TNFRSF11A: variants seen among roughly 807,000 people sequenced by gnomAD.
TNFRSF11A encodes TNF receptor superfamily member 11a.
Under a neutral mutation model 55.7 loss-of-function variants are expected in TNFRSF11A, and 32 were observed. The ratio of observed to expected loss-of-function variants is 0.57; its 90% CI spans 0.43 to 0.77. The LOEUF is 0.77. Ranked by LOEUF, TNFRSF11A falls within the 30% of genes least tolerant of loss-of-function variation. The pLI, the probability that TNFRSF11A is intolerant of heterozygous loss-of-function variation, is 0.00. For synonymous variants in TNFRSF11A, 311 were observed against 331.0 expected (o/e 0.94, Z 0.65); for missense variants, 753 against 809.8 (o/e 0.93, Z 0.85).
Position 62,354,378 on chromosome 18 carries a change from T to G in TNFRSF11A, c.284-13T>G. 6.4e-7 allele frequency: 1 copy of G among 1,566,308 alleles called. No homozygotes were observed. The highest frequency in any genetic ancestry group is 1.1e-5 in the South Asian group (1 of 87,196). On this transcript the variant is annotated splice_polypyrimidine_tract_variant and intron_variant, in intron 3 of 9. Coordinates refer to ENST00000586569, the MANE Select transcript of TNFRSF11A (RefSeq NM_003839.4). ...CCCTCCCTGGCCACTGACCTGTCTCTTGTCTCCCGCAGGCAAGGCCCTGGT... is the reference window on the plus strand; with the variant it reads ...CCCTCCCTGGCCACTGACCTGTCTCGTGTCTCCCGCAGGCAAGGCCCTGGT...
rs1378272940 is a variant in TNFRSF11A at position 62,369,135 on chromosome 18, G to A, written c.1218G>A (p.Glu406=). ...GTTCAGAAAGCTGCAACTGCACTGAGCCCCTGTGCAGGACTGATTGGACTC... is the reference window on the plus strand; with the variant it reads ...GTTCAGAAAGCTGCAACTGCACTGAACCCCTGTGCAGGACTGATTGGACTC... ...TVGSESCNCT[E]PLCRTDWTPM... is the part of the protein sequence containing the mutation. The change falls in exon 9 of 10, where the codon GAG becomes GAA. Residue 406 remains glutamate (E), a synonymous_variant. Transcript: ENST00000586569. 2.5e-6 allele frequency: 4 copies of A among 1,614,074 alleles called. No individual in the cohort carries two copies. Among genetic ancestry groups the A allele is most frequent in the Non-Finnish European group, 3.4e-6 (4 of 1,180,032 alleles).
intron 9 of TNFRSF11A, among the ~76,000 whole-genome samples, chr18:62,376,546 C>G (rs1399372204): frequency 6.6e-6 from 1 of 152,176 alleles, no homozygotes; most frequent in Non-Finnish European, 1.5e-5. Context: ...CTGCCCCCCA[C>G]ACATGCACAG....
Position 62,368,916 on chromosome 18 carries a change from C to T in TNFRSF11A, c.999C>T (p.Thr333=), listed in dbSNP as rs138204772. The part of the protein sequence containing the change: ...DARMLSLVSK[T]EIEEDSFRQM... Reference sequence around the variant, plus strand: ...GGATGCTCTCATTGGTCAGCAAGACCGAGATAGAGGAAGACAGCTTCAGAC... The same window carrying T: ...GGATGCTCTCATTGGTCAGCAAGACTGAGATAGAGGAAGACAGCTTCAGAC... The change falls in exon 9 of 10, where the codon ACC becomes ACT. Residue 333 remains threonine, a synonymous_variant. Transcript: ENST00000586569. 556 of 1,614,090 alleles carry T rather than the reference C, an allele frequency of 3.4e-4. No homozygotes were observed. Among genetic ancestry groups the T allele is most frequent in the Non-Finnish European group, 4.2e-4 (500 of 1,180,050 alleles).
chr18:62,367,873 A>G (rs1446494530), intron 8 of TNFRSF11A, among the ~76,000 whole-genome samples: 1 of 136,540 alleles, frequency 7.3e-6, no homozygotes, highest in Non-Finnish European at 1.5e-5. Context: ...GGCTCACTGC[A>G]ACCTCTGCCT....
In TNFRSF11A at chr18:62,354,428, G is replaced by T; in HGVS notation, c.321G>T (p.Thr107=). Residue 107 remains threonine (T), a synonymous_variant, in exon 4 of 10, where the codon ACG becomes ACT. Coordinates refer to ENST00000586569, the MANE Select transcript of TNFRSF11A (RefSeq NM_003839.4). ...TGGCCGTGGTCGCCGGCAACAGCAC[G>T]ACCCCCCGGCGCTGCGCGTGCACGG... The part of the protein sequence containing the change: ...ALVAVVAGNS[T]TPRRCACTAG... The T allele has an allele frequency of 6.3e-7, 1 of 1,595,282 alleles. No individual in the cohort carries two copies. Among genetic ancestry groups the T allele is most frequent in the Non-Finnish European group, 8.5e-7 (1 of 1,176,524 alleles).
intron 1 of TNFRSF11A, among the ~76,000 whole-genome samples, chr18:62,345,572 C>T (rs530451229): frequency 5.3e-4 from 80 of 152,266 alleles, no homozygotes; most frequent in African/African-American, 1.9e-3. Context: ...GATCTGTAAT[C>T]CTATAACTCT....
chr18:62,384,524 CG>C (rs1325276095), intron 9 of TNFRSF11A, among the ~76,000 whole-genome samples: 1 of 150,392 alleles, frequency 6.6e-6, no homozygotes, highest in East Asian at 2.0e-4. Flanking sequence ...TTCCTCTCCC[CG>C]CCTCTTCTCT....
chr18:62,327,003 AGG>A (rs1304958519), intron 1 of TNFRSF11A, among the ~76,000 whole-genome samples: 1 of 151,682 alleles, frequency 6.6e-6, no homozygotes, highest in Non-Finnish European at 1.5e-5. Context: ...TAGCATCCAT[AGG>A]GGCTTCTGCA....
At chr18:62,362,566 C>T (rs1909776348) in intron 7 of TNFRSF11A, among the ~76,000 whole-genome samples, 1 of 147,312 alleles carries the variant, frequency 6.8e-6, no homozygotes, top group Admixed American at 6.8e-5. Flanking sequence ...GGTGCTTATT[C>T]TTAGAATAGA....
At chr18:62,363,512 G>T (rs1202784540) in intron 7 of TNFRSF11A, among the ~76,000 whole-genome samples, 1 of 151,906 alleles carries the variant, frequency 6.6e-6, no homozygotes, top group Non-Finnish European at 1.5e-5. Flanking sequence ...GGGATTACGG[G>T]CATTTGCCAC....
At chr18:62,384,547 G>C (rs1600432551) in intron 9 of TNFRSF11A, among the ~76,000 whole-genome samples, 3 of 128,736 alleles carry the variant, frequency 2.3e-5, no homozygotes, top group African/African-American at 8.8e-5. Flanking sequence ...TACTTCTTTT[G>C]TCTTTTTTCT....
At chr18:62,328,049 C>T (rs191269870) in intron 1 of TNFRSF11A, among the ~76,000 whole-genome samples, 4 of 152,304 alleles carry the variant, frequency 2.6e-5, no homozygotes, top group South Asian at 2.1e-4. Context: ...TGCGTGCATA[C>T]GCAGGACAAC....
Position 62,385,702 on chromosome 18 carries a change from G to A in TNFRSF11A, c.*668G>A, listed in dbSNP as rs78622775. 1 of 142,490 alleles carries A rather than the reference G, an allele frequency of 7.0e-6. No homozygotes were observed. The highest frequency in any genetic ancestry group is 7.5e-5 in the Admixed American group (1 of 13,342). 8.8% of individuals were successfully genotyped at this position (142,490 alleles called of 1,614,324 possible). A position where few individuals can be genotyped will look rare whatever the true frequency, so the allele number is the denominator to read the frequency against. ...CGGTCCCACCATGTTACCCAGCCTG[G>A]TCTCAAACTCCCCAGCTAAAGCAGT... On this transcript the variant is annotated 3_prime_UTR_variant, in exon 10 of 10. Coordinates refer to ENST00000586569, the MANE Select transcript of TNFRSF11A (RefSeq NM_003839.4).
In TNFRSF11A at chr18:62,325,428, G is replaced by A; in HGVS notation, c.75+1G>A. 1.6e-6 allele frequency: 2 copies of A among 1,261,802 alleles called. No individual in the cohort carries two copies. Among genetic ancestry groups the A allele is most frequent in the South Asian group, 1.7e-5 (1 of 57,510 alleles). The allele number at this position is 1,261,802 out of a possible 1,614,324, so 78.2% of individuals were successfully genotyped here. ...CTGCGCGCTGCTCGCCCGGCTGCAG[G>A]TAAGGAGCGCCCGCGCCTGCCGGGC... On this transcript the variant is annotated splice_donor_variant, in intron 1 of 9. Transcript: ENST00000586569. LOFTEE classifies it high-confidence loss of function. This position sits in a 1 kb window ranked among gnomAD's most constrained non-coding sequence, Gnocchi z 4.7.
chr18:62,354,564 T>C (rs778528797), intron 4 of TNFRSF11A, 30 bp downstream of exon 4: 3 of 1,600,730 alleles, frequency 1.9e-6, no homozygotes, highest in East Asian at 4.5e-5. Flanking sequence ...GTCTGTCGGC[T>C]CTTGCTGAGC....
intron 6 of TNFRSF11A, 89 bp downstream of exon 6, chr18:62,360,138 G>A (rs1407152940): frequency 8.4e-6 from 8 of 950,998 alleles, no homozygotes; most frequent in East Asian, 5.0e-5. Flanking sequence ...GTGGATTTGC[G>A]GGCGTCCTCT....
intron 1 of TNFRSF11A, among the ~76,000 whole-genome samples, chr18:62,345,825 T>C (rs569256353): frequency 6.6e-4 from 100 of 152,328 alleles, no homozygotes; most frequent in African/African-American, 2.2e-3. Flanking sequence ...GGATTTTATA[T>C]CTGTGACAAT....
chr18:62,344,599 C>G (rs942112469), intron 1 of TNFRSF11A, among the ~76,000 whole-genome samples: 2 of 152,196 alleles, frequency 1.3e-5, no homozygotes, highest in Non-Finnish European at 2.9e-5. Context: ...CACTTTGCAA[C>G]CCTGGGGAGC....
chr18:62,338,922 T>C (rs77657847), intron 1 of TNFRSF11A, among the ~76,000 whole-genome samples: 18,267 of 152,166 alleles, frequency 0.12, 1,544 homozygotes, highest in Non-Finnish European at 0.18. Context: ...GACAGCCCTT[T>C]CTCGCCTCCC....
Sources: allele counts gnomAD v4.1 joint callset (sites outside exome capture counted in the v4.1 genomes callset), GRCh38; gene constraint gnomAD v4.1.1; non-coding constraint Gnocchi (gnomAD v3.1); transcripts MANE v1.5; gene names NCBI Gene and HGNC (gene_info 2026-07-23, HGNC 2026-07-21).